LY75: variants seen among roughly 807,000 people sequenced by gnomAD.
LY75 encodes the protein lymphocyte antigen 75, also known as C-type lectin domain family 13 member B.
In LY75, 185 loss-of-function variants were observed where a neutral mutation model predicts 231.7. The ratio of observed to expected loss-of-function variants is 0.80; its 90% confidence interval spans 0.71 to 0.90. LY75 has a LOEUF of 0.90. Among genes scored for constraint, LY75 ranks in the 40% least tolerant of loss-of-function variants. The probability of loss-of-function intolerance (pLI) is 0.00; values close to 1 mark genes in which losing one functional copy is unlikely to be tolerated. For missense variants in LY75, 1,947 were observed against 2,050.2 expected, an observed-to-expected ratio of 0.95 and a Z score of 0.97; for synonymous variants, 668 against 689.0, an observed-to-expected ratio of 0.97 and a Z score of 0.48.
At chr2:159,834,259 T>C in intron 26 of LY75, 48 bp from the exon 27 acceptor site, 1 of 1,605,498 alleles carries the variant, frequency 6.2e-7, no homozygotes, top group Non-Finnish European at 8.5e-7. Flanking sequence ...ATATAAATGT[T>C]AAATCCTGTT....
chr2:159,863,207 C>G (rs1684765746), intron 14 of LY75, among the ~76,000 whole-genome samples: 1 of 152,072 alleles, frequency 6.6e-6, no homozygotes, highest in Admixed American at 6.6e-5. Context: ...ATCCATTCAT[C>G]TGTTGATGGA....
chr2:159,886,311 T>C (rs1685582902), intron 5 of LY75, 109 bp downstream of exon 5: 2 of 1,205,150 alleles, frequency 1.7e-6, no homozygotes, highest in Non-Finnish European at 2.2e-6. Flanking sequence ...GAGGTAACCA[T>C]AGTAAGAGCT....
intron 31 of LY75, among the ~76,000 whole-genome samples, chr2:159,814,177 G>A (rs536271464): frequency 1.3e-5 from 2 of 152,186 alleles, no homozygotes; most frequent in Non-Finnish European, 2.9e-5. Context: ...GGCCTCTGCA[G>A]TCCCCGGTAG....
At chr2:159,851,774 G>A (rs1185466766) in intron 21 of LY75, among the ~76,000 whole-genome samples, 4 of 152,192 alleles carry the variant, frequency 2.6e-5, no homozygotes, top group Non-Finnish European at 5.9e-5. Flanking sequence ...TAGCATGTGT[G>A]TAGTCCCCAA....
At chr2:159,807,940 T>A in intron 33 of LY75, 1 of 973,418 alleles carries the variant, frequency 1.0e-6, no homozygotes, top group Non-Finnish European at 1.2e-6. Context: ...AAAGCTGCAA[T>A]TACTTTCACA....
chr2:159,829,855 C>T (rs569459673), intron 28 of LY75, among the ~76,000 whole-genome samples: 1 of 152,180 alleles, frequency 6.6e-6, no homozygotes, highest in South Asian at 2.1e-4. Flanking sequence ...TCTAAAAATG[C>T]TTTTTCAGAA....
At chr2:159,901,501 A>C (rs907303651) in intron 1 of LY75, among the ~76,000 whole-genome samples, 2 of 152,204 alleles carry the variant, frequency 1.3e-5, no homozygotes, top group African/African-American at 4.8e-5. Context: ...CTGGATCCCA[A>C]ACAGGTGAAC....
At chr2:159,865,188 G>T (rs550377790) in intron 13 of LY75, among the ~76,000 whole-genome samples, 49 of 152,222 alleles carry the variant, frequency 3.2e-4, no homozygotes, top group African/African-American at 1.2e-3. Context: ...ATTATTCCAA[G>T]ACTTTTACTG....
At chr2:159,892,310 C>T (rs1238719381) in intron 3 of LY75, among the ~76,000 whole-genome samples, 7 of 152,226 alleles carry the variant, frequency 4.6e-5, no homozygotes, top group Non-Finnish European at 1.0e-4. Flanking sequence ...TGGCTAGCTA[C>T]TCAATGAGTC....
intron 23 of LY75, among the ~76,000 whole-genome samples, chr2:159,844,364 A>C (rs1023823565): frequency 6.6e-6 from 1 of 151,218 alleles, no homozygotes; most frequent in Non-Finnish European, 1.5e-5. Flanking sequence ...ATCTTAACAG[A>C]TGCTGGGAAC....
intron 29 of LY75, among the ~76,000 whole-genome samples, chr2:159,819,127 C>T (rs67387640): frequency 0.27 from 41,220 of 151,962 alleles, 7,034 homozygotes; most frequent in Non-Finnish European, 0.38. Flanking sequence ...CTAGCCAGCA[C>T]TCCACCTTTA....
At chr2:159,815,712 T>A in intron 30 of LY75, 139 bp from the exon 31 acceptor site, 12 of 1,029,888 alleles carry the variant, frequency 1.2e-5, no homozygotes, top group South Asian at 3.6e-5. Context: ...CTGAACCTAC[T>A]ATTATTGTAG....
chr2:159,850,789 T>TATATATATATATATATATATATATAAAA (rs796940571), intron 21 of LY75, among the ~76,000 whole-genome samples: 15 of 88,664 alleles, frequency 1.7e-4, no homozygotes, highest in East Asian at 1.2e-3. Flanking sequence ...TATATATATA[T>TATATATATATATATATATATATATAAAA]ATATATATAT....
At chr2:159,876,569 T>C (rs1685272072) in intron 11 of LY75, among the ~76,000 whole-genome samples, 2 of 152,118 alleles carry the variant, frequency 1.3e-5, no homozygotes, top group South Asian at 4.1e-4. Flanking sequence ...TGGCTGAGGA[T>C]GGGTGCAATA....
At chr2:159,842,817 G>T (rs76946375) in intron 23 of LY75, among the ~76,000 whole-genome samples, 2,233 of 151,968 alleles carry the variant, frequency 0.015, 23 homozygotes, top group Admixed American at 0.029. Flanking sequence ...GAAGTATCTA[G>T]ATTTCATTTT....
rs775692614 is a variant in LY75 at position 159,840,819 on chromosome 2, CA to C, written c.3416del (p.Val1139GlyfsTer60). ...RECLKSNMQL[V>X]SITDPYQQAF... Reference sequence around the variant, plus strand: ...CCTGCTGGTAAGGGTCCGTGATGCTCACCAGCTGCATGTTACTTTTCAGACA... The same window carrying C: ...CCTGCTGGTAAGGGTCCGTGATGCTCCCAGCTGCATGTTACTTTTCAGACA... On this transcript the variant is annotated frameshift_variant, in exon 25 of 35. Coordinates refer to ENST00000263636, the MANE Select transcript of LY75 (RefSeq NM_002349.4). LOFTEE classifies it high-confidence loss of function. 12 of 1,614,146 alleles carry C rather than the reference CA, an allele frequency of 7.4e-6. No individual in the cohort carries two copies. The South Asian group carries it at 1.3e-4, about 18-fold the overall frequency.
intron 13 of LY75, among the ~76,000 whole-genome samples, chr2:159,871,524 G>T: frequency 6.6e-6 from 1 of 152,168 alleles, no homozygotes; most frequent in African/African-American, 2.4e-5. Flanking sequence ...CAATTTTGTA[G>T]TATTTTGTGG....
chr2:159,882,203 G>A lies in LY75; in HGVS notation c.1167C>T (p.Cys389=). Residue 389 remains cysteine (C), a synonymous_variant, in exon 7 of 35, where the codon TGC becomes TGT. Transcript: ENST00000263636. ...SNSWDKAHAK[C]KAFSSDLISI... is the part of the protein sequence containing the mutation. ...TGATTAGGTCACTACTGAAGGCTTT[G>A]CATTTCGCATGTGCCTTATCCCAGG... 6.2e-7 allele frequency: 1 copy of A among 1,614,048 alleles called. No individual in the cohort carries two copies. The highest frequency in any genetic ancestry group is 8.5e-7 in the Non-Finnish European group (1 of 1,179,934).
chr2:159,817,750 T>C (rs1683163510), intron 29 of LY75, among the ~76,000 whole-genome samples: 1 of 152,116 alleles, frequency 6.6e-6, no homozygotes, highest in African/African-American at 2.4e-5. Context: ...AATGACTGAA[T>C]AAATTTAAAA....
Sources: gnomAD v4.1 joint callset for allele counts (sites outside exome capture counted in the v4.1 genomes callset) on GRCh38, gnomAD v4.1.1 for gene constraint, MANE v1.5 for transcripts, NCBI Gene and HGNC (gene_info 2026-07-23, HGNC 2026-07-21) for gene names.